Variants in PDE10A observed in about 807,000 individuals in gnomAD.
The protein encoded by PDE10A is cAMP and cAMP-inhibited cGMP 3',5'-cyclic phosphodiesterase 10A.
Under a neutral mutation model 97.7 loss-of-function variants are expected in PDE10A, and 39 were observed. The observed-to-expected ratio is 0.40, with a 90% CI of 0.31 to 0.52. PDE10A has a LOEUF of 0.52. Among genes scored for constraint, PDE10A ranks in the 20% least tolerant of loss-of-function variants. The probability of loss-of-function intolerance (pLI) is 0.56; values close to 1 mark genes in which losing one functional copy is unlikely to be tolerated. For synonymous variants in PDE10A, 371 were observed against 376.8 expected (o/e 0.98, Z 0.18); for missense variants, 731 against 1,047.8 (o/e 0.70, Z 4.17).
chr6:165,483,889 A>G (rs1779745414), intron 2 of PDE10A, among the ~76,000 whole-genome samples: 1 of 152,236 alleles, frequency 6.6e-6, no homozygotes, highest in African/African-American at 2.4e-5. Flanking sequence ...GTACTTCTCA[A>G]ACTTGAGTGT....
chr6:165,885,053 G>T (rs1204020329), intron 1 of PDE10A, among the ~76,000 whole-genome samples: 1 of 152,076 alleles, frequency 6.6e-6, no homozygotes, highest in Non-Finnish European at 1.5e-5. Context: ...AGGTGGCAGC[G>T]TAGACCAAGT....
chr6:165,579,488 A>G (rs553153874), intron 1 of PDE10A, among the ~76,000 whole-genome samples: 7 of 152,324 alleles, frequency 4.6e-5, no homozygotes, highest in African/African-American at 1.7e-4. Flanking sequence ...CCTCACATCC[A>G]TACCATTAAG....
intron 20 of PDE10A, among the ~76,000 whole-genome samples, chr6:165,337,643 G>T (rs1346032487): frequency 6.6e-6 from 1 of 152,164 alleles, no homozygotes; most frequent in Non-Finnish European, 1.5e-5. Flanking sequence ...AAGCAATATG[G>T]TTGGTAAAAT....
chr6:165,860,222 G>A (rs1241688841), intron 1 of PDE10A, among the ~76,000 whole-genome samples: 1 of 152,146 alleles, frequency 6.6e-6, no homozygotes, highest in Non-Finnish European at 1.5e-5. Flanking sequence ...GGGAAGCTGA[G>A]GTGAGTGGAT....
intron 1 of PDE10A, among the ~76,000 whole-genome samples, chr6:165,884,477 C>T (rs1781575208): frequency 6.6e-6 from 1 of 152,148 alleles, no homozygotes; most frequent in South Asian, 2.1e-4. Flanking sequence ...TCCCAGAACC[C>T]TCGAGTGGCA....
At chr6:165,899,236 C>T (rs924458558) in intron 1 of PDE10A, among the ~76,000 whole-genome samples, 26 of 152,228 alleles carry the variant, frequency 1.7e-4, no homozygotes, top group East Asian at 7.7e-4. Flanking sequence ...AAGATACTTC[C>T]GGTATCAACT....
chr6:165,698,637 G>A (rs1045966600), intron 1 of PDE10A, among the ~76,000 whole-genome samples: 4 of 152,194 alleles, frequency 2.6e-5, no homozygotes, highest in African/African-American at 9.7e-5. Flanking sequence ...ATCACCTGAG[G>A]TCAGCAGTTC....
At chr6:165,705,308 A>C (rs1239613389) in intron 1 of PDE10A, among the ~76,000 whole-genome samples, 1 of 152,246 alleles carries the variant, frequency 6.6e-6, no homozygotes, top group Non-Finnish European at 1.5e-5. Context: ...CGTGGCCTTC[A>C]TGCCACTGCA....
chr6:165,371,594 C>G (rs979493883), intron 18 of PDE10A, among the ~76,000 whole-genome samples: 5 of 152,120 alleles, frequency 3.3e-5, no homozygotes, highest in African/African-American at 1.2e-4. Context: ...CAACAGCTTA[C>G]CAACCAAAAA....
At chr6:165,441,844 A>G (rs1403228176) in intron 5 of PDE10A, among the ~76,000 whole-genome samples, 1 of 152,184 alleles carries the variant, frequency 6.6e-6, no homozygotes, top group Non-Finnish European at 1.5e-5. Context: ...ATATTTCAAC[A>G]GTGTCTTCAA....
At chr6:165,337,869 A>G (rs559680650) in intron 20 of PDE10A, among the ~76,000 whole-genome samples, 13 of 152,358 alleles carry the variant, frequency 8.5e-5, no homozygotes, top group Admixed American at 2.6e-4. Context: ...CTTAAATAAT[A>G]TAACAAGATA....
chr6:165,695,580 G>T (rs958504856), intron 1 of PDE10A, among the ~76,000 whole-genome samples: 3 of 152,220 alleles, frequency 2.0e-5, no homozygotes, highest in African/African-American at 7.2e-5. Context: ...TGGTGAAAAA[G>T]TTGGGAGTGG....
intron 1 of PDE10A, among the ~76,000 whole-genome samples, chr6:165,934,006 T>TTA (rs1783238870): frequency 6.7e-6 from 1 of 150,120 alleles, no homozygotes. Context: ...TTTTTTTTAG[T>TTA]CGGAGTCTCA....
intron 1 of PDE10A, among the ~76,000 whole-genome samples, chr6:165,589,831 A>G (rs1313255305): frequency 2.0e-5 from 3 of 152,240 alleles, no homozygotes; most frequent in African/African-American, 7.2e-5. Context: ...AAGCAAGGGA[A>G]CAGATTTTAA....
chr6:165,483,916 G>A (rs1431177526), intron 2 of PDE10A, among the ~76,000 whole-genome samples: 2 of 152,198 alleles, frequency 1.3e-5, no homozygotes, highest in Non-Finnish European at 2.9e-5. Context: ...GATAGCCTGT[G>A]ACATGTGTTT....
rs577312166 is a variant in PDE10A at position 165,952,149 on chromosome 6, G to A, written c.-615+35380C>T. On this transcript the variant is annotated intron_variant, in intron 1 of 19. Coordinates refer to the PDE10A transcript ENST00000366882. ...AATACGTGCCCAGCTAGGGTTCAAC[G>A]TCAGCATTCTGGCTCCGGAACGCCT... Among the ~76,000 whole-genome samples, 8 of 152,308 alleles carry A rather than the reference G, an allele frequency of 5.3e-5. No individual in the cohort carries two copies. In the South Asian group the frequency reaches 1.0e-3, roughly 20 times the overall value.
chr6:165,423,169 T>A (rs1417828739), intron 10 of PDE10A, among the ~76,000 whole-genome samples: 4 of 152,146 alleles, frequency 2.6e-5, no homozygotes, highest in African/African-American at 9.7e-5. Context: ...ATGAAAAGAT[T>A]ATTTGAGCCC....
chr6:165,852,515 A>G (rs1780599037), intron 1 of PDE10A, among the ~76,000 whole-genome samples: 1 of 152,228 alleles, frequency 6.6e-6, no homozygotes, highest in Admixed American at 6.5e-5. Flanking sequence ...GAGATAAATC[A>G]CTTGAAATCA....
rs951627395 is a variant in PDE10A at position 165,662,110 on chromosome 6, G to A, written c.702C>T (p.Pro234=). 5 of 1,017,514 alleles carry A rather than the reference G, an allele frequency of 4.9e-6. No individual in the cohort carries two copies. The highest frequency in any genetic ancestry group is 4.5e-5 in the South Asian group (1 of 22,212). 63.0% of individuals were successfully genotyped at this position (1,017,514 alleles called of 1,614,324 possible). The part of the protein sequence containing the change: ...AARRAGSPGF[P]GAGPGGGGQT... ...GGCCGCCGCCGCCTGGGCCGGCGCC[G>A]GGGAAGCCGGGGGAGCCCGCGCGGC... Residue 234 remains proline (P), a synonymous_variant, in exon 1 of 22, where the codon CCC becomes CCT. Transcript: ENST00000539869.
Sources: allele counts gnomAD v4.1 joint callset (sites outside exome capture counted in the v4.1 genomes callset), GRCh38; gene constraint gnomAD v4.1.1; transcripts MANE v1.5; gene names NCBI Gene and HGNC (gene_info 2026-07-23, HGNC 2026-07-21).